The following CAMTA1 variants were observed in gnomAD, a reference collection of about 807,000 sequenced individuals.
The protein encoded by CAMTA1 is calmodulin binding transcription activator 1.
In CAMTA1, 27 loss-of-function variants were observed where a neutral mutation model predicts 170.9. That is an observed-to-expected ratio of 0.16 (90% CI 0.12 to 0.22). The LOEUF (loss-of-function observed/expected upper bound fraction) is 0.22, where lower values mean the gene tolerates loss of function less well. Ranked by LOEUF, CAMTA1 falls within the 10% of genes least tolerant of loss-of-function variation. The pLI is 1.00. For synonymous variants in CAMTA1, 833 were observed against 891.5 expected (o/e 0.93, Z 1.17); for missense variants, 1,619 against 2,217.2 (o/e 0.73, Z 5.42).
In CAMTA1 at chr1:7,160,052, C is replaced by A. The variant is rs544190859; in HGVS notation, c.302+68681C>A. ...ATCACTTGAGGCCAGGAGTTTGAGA[C>A]CAGCCTGGCCAGCATGGCAAAACCC... On this transcript the variant is annotated intron_variant, in intron 4 of 22. Coordinates refer to ENST00000303635, the MANE Select transcript of CAMTA1 (RefSeq NM_015215.4). Among the ~76,000 whole-genome samples, 902 of 152,206 alleles carry A rather than the reference C, an allele frequency of 5.9e-3. 4 individuals are homozygous for A. The highest frequency in any genetic ancestry group is 9.4e-3 in the Admixed American group (144 of 15,298).
chr1:7,065,705 G>A lies in CAMTA1; in HGVS notation c.235-25599G>A, dbSNP rs538478265. The stretch of plus-strand genomic sequence containing the variant: ...GGAAGAATCCAGAAAAGGGAGATGG[G>A]TCCGTGGATAGGTGGAAGCCCTAGG... On this transcript the variant is annotated intron_variant, in intron 3 of 22. Transcript: ENST00000303635. The surrounding 1 kb of genome is among the most constrained non-coding windows in gnomAD (Gnocchi z 5.2). Among the ~76,000 whole-genome samples, 12 of 152,250 alleles carry A rather than the reference G, an allele frequency of 7.9e-5. No homozygotes were observed. In the South Asian group the frequency reaches 1.7e-3, roughly 21 times the overall value.
intron 4 of CAMTA1, among the ~76,000 whole-genome samples, chr1:7,097,430 C>T (rs1333660520): frequency 6.6e-6 from 1 of 152,206 alleles, no homozygotes; most frequent in Non-Finnish European, 1.5e-5. Flanking sequence ...ATGGTGCCAG[C>T]CTATGAGCTG....
At chr1:7,223,538 T>C (rs1402938902) in intron 4 of CAMTA1, among the ~76,000 whole-genome samples, 3 of 152,110 alleles carry the variant, frequency 2.0e-5, no homozygotes, top group African/African-American at 7.2e-5. Flanking sequence ...ATAAGCAACC[T>C]GAGGCCAGGG....
intron 9 of CAMTA1, among the ~76,000 whole-genome samples, chr1:7,668,437 CACACA>C (rs2096023182): frequency 7.9e-6 from 1 of 126,964 alleles, no homozygotes; most frequent in African/African-American, 3.2e-5. Context: ...ACACACCCAC[CACACA>C]CCCCAGAGGC....
At chr1:6,834,110 CT>C (rs1457610639) in intron 3 of CAMTA1, among the ~76,000 whole-genome samples, 2 of 148,844 alleles carry the variant, frequency 1.3e-5, no homozygotes, top group African/African-American at 4.9e-5. Context: ...GAATGTTGGA[CT>C]TTCCAGGGAG....
At chr1:6,851,341 A>G (rs1660296132) in intron 3 of CAMTA1, among the ~76,000 whole-genome samples, 1 of 152,176 alleles carries the variant, frequency 6.6e-6, no homozygotes, top group African/African-American at 2.4e-5. Context: ...AGTAGAAAAC[A>G]AATGTTCAGA....
At chr1:7,636,985 A>G (rs562696588) in intron 6 of CAMTA1, among the ~76,000 whole-genome samples, 2 of 152,236 alleles carry the variant, frequency 1.3e-5, no homozygotes, top group African/African-American at 4.8e-5. Context: ...GAATCAGGGA[A>G]GGCTTCCTGG....
chr1:7,046,387 A>G (rs566656639), intron 3 of CAMTA1, among the ~76,000 whole-genome samples: 31 of 152,280 alleles, frequency 2.0e-4, no homozygotes, highest in African/African-American at 7.5e-4. Flanking sequence ...AGAACTCCCA[A>G]AGGGTCTCCC....
chr1:7,026,903 C>T (rs1702099130), intron 3 of CAMTA1, among the ~76,000 whole-genome samples: 1 of 152,200 alleles, frequency 6.6e-6, no homozygotes, highest in South Asian at 2.1e-4. Flanking sequence ...GGTGGGATTA[C>T]AGACATGAGC....
In CAMTA1 at chr1:7,547,835, T is replaced by C. The variant is rs1250304327; in HGVS notation, c.510+79934T>C. 2.0e-5 allele frequency among the ~76,000 whole-genome samples: 3 copies of C among 150,688 alleles called. No homozygotes were observed. Among genetic ancestry groups the C allele is most frequent in the Admixed American group, 1.3e-4 (2 of 14,996 alleles). ...TCTCTGCCACCCCATGTGGGCCCCC[T>C]CCAAACCCAGACTCTGACACCCCTT... On this transcript the variant is annotated intron_variant, in intron 6 of 22. Coordinates refer to ENST00000303635, the MANE Select transcript of CAMTA1 (RefSeq NM_015215.4). This position sits in a 1 kb window ranked among gnomAD's most constrained non-coding sequence, Gnocchi z 5.7.
At chr1:7,608,297 T>A (rs1364977013) in intron 6 of CAMTA1, among the ~76,000 whole-genome samples, 1 of 152,158 alleles carries the variant, frequency 6.6e-6, no homozygotes, top group Non-Finnish European at 1.5e-5. Context: ...AGGTGGTAGA[T>A]GGGAGAGGCA....
At chr1:7,604,911 A>G (rs988500219) in intron 6 of CAMTA1, among the ~76,000 whole-genome samples, 5 of 152,160 alleles carry the variant, frequency 3.3e-5, no homozygotes, top group Non-Finnish European at 7.3e-5. Context: ...CAGGACCCTC[A>G]GCTGCAGGTC....
rs904801748 is a variant in CAMTA1 at position 7,588,894 on chromosome 1, G to A, written c.511-51506G>A. On this transcript the variant is annotated intron_variant, in intron 6 of 22. Coordinates refer to ENST00000303635, the MANE Select transcript of CAMTA1 (RefSeq NM_015215.4). The surrounding 1 kb of genome is among the most constrained non-coding windows in gnomAD (Gnocchi z 5.8). ...TGGGCACCAGGGCAACCCCGCATCA[G>A]GTGCTTATTATTTTCTGCCACGATC... Among the ~76,000 whole-genome samples the A allele has an allele frequency of 1.3e-5, 2 of 152,196 alleles. No homozygotes were observed. Among genetic ancestry groups the A allele is most frequent in the Admixed American group, 6.5e-5 (1 of 15,276 alleles).
At chr1:7,000,609 G>A (rs369363290) in intron 3 of CAMTA1, among the ~76,000 whole-genome samples, 1 of 152,202 alleles carries the variant, frequency 6.6e-6, no homozygotes, top group Non-Finnish European at 1.5e-5. Flanking sequence ...GCCTTGGCCC[G>A]TGGAAGTCCA....
chr1:7,733,001 C>T (rs2096745519), intron 12 of CAMTA1, among the ~76,000 whole-genome samples: 1 of 151,976 alleles, frequency 6.6e-6, no homozygotes, highest in South Asian at 2.1e-4. Flanking sequence ...CACGACCAGC[C>T]TGAGCAACAT....
At chr1:6,889,586 A>G (rs1258149312) in intron 3 of CAMTA1, among the ~76,000 whole-genome samples, 5 of 152,232 alleles carry the variant, frequency 3.3e-5, no homozygotes, top group Non-Finnish European at 5.9e-5. Flanking sequence ...AGCACAGAAG[A>G]TTAAATCATG....
chr1:7,116,943 C>T (rs1321888079), intron 4 of CAMTA1, among the ~76,000 whole-genome samples: 12 of 151,486 alleles, frequency 7.9e-5, no homozygotes, highest in South Asian at 2.1e-4. Flanking sequence ...TGAGCCACTG[C>T]GCCCGGCCAA....
At chr1:7,550,745 T>G in intron 6 of CAMTA1, among the ~76,000 whole-genome samples, 2 of 97,148 alleles carry the variant, frequency 2.1e-5, no homozygotes, top group African/African-American at 4.6e-5. Context: ...CACTGAACCC[T>G]GACACCTGCC....
At chr1:7,731,718 A>C (rs1422991198) in intron 11 of CAMTA1, among the ~76,000 whole-genome samples, 1 of 152,136 alleles carries the variant, frequency 6.6e-6, no homozygotes, top group African/African-American at 2.4e-5. Context: ...AACAAAAACA[A>C]AAACAAAAAT....
Sources: allele counts gnomAD v4.1 joint callset (sites outside exome capture counted in the v4.1 genomes callset), GRCh38; gene constraint gnomAD v4.1.1; non-coding constraint Gnocchi (gnomAD v3.1); transcripts MANE v1.5; gene names NCBI Gene and HGNC (gene_info 2026-07-23, HGNC 2026-07-21).